ZNF804B: variants seen among roughly 807,000 people sequenced by gnomAD.
The protein encoded by ZNF804B is zinc finger 804B.
ZNF804B carries 80 observed loss-of-function variants against 101.4 expected under a neutral mutation model. The observed-to-expected ratio is 0.79, with a 90% confidence interval of 0.66 to 0.95. The LOEUF is 0.95. Among genes scored for constraint, ZNF804B ranks in the 40% least tolerant of loss-of-function variants. The pLI, the probability that ZNF804B is intolerant of heterozygous loss-of-function variation, is 0.00. For synonymous variants in ZNF804B, 622 were observed against 558.8 expected (o/e 1.11, Z -1.59); for missense variants, 1,673 against 1,561.9 (o/e 1.07, Z -1.20).
At chr7:89,018,817 C>T (rs1184744069) in intron 1 of ZNF804B, among the ~76,000 whole-genome samples, 1 of 151,972 alleles carries the variant, frequency 6.6e-6, no homozygotes, top group Non-Finnish European at 1.5e-5. Context: ...TAACCTCTTG[C>T]ACTCCTGTTC....
intron 1 of ZNF804B, among the ~76,000 whole-genome samples, chr7:89,103,637 TC>T (rs888302112): frequency 3.3e-5 from 5 of 151,746 alleles, no homozygotes; most frequent in Non-Finnish European, 5.9e-5. Context: ...TCTAAAGAGG[TC>T]TTTAGGGTTT....
intron 1 of ZNF804B, among the ~76,000 whole-genome samples, chr7:89,155,992 C>CT (rs1554371255): frequency 1.1e-4 from 15 of 131,368 alleles, no homozygotes; most frequent in Middle Eastern, 4.5e-3. Context: ...CCTTCCTTTC[C>CT]TTCTTTCTTT....
chr7:89,277,521 C>A (rs1790007083), intron 2 of ZNF804B, among the ~76,000 whole-genome samples: 1 of 122,576 alleles, frequency 8.2e-6, no homozygotes, highest in Non-Finnish European at 1.7e-5. Flanking sequence ...CACAACAGTC[C>A]CCAGAGTGTG....
chr7:88,962,030 C>A (rs1793392397), intron 1 of ZNF804B, among the ~76,000 whole-genome samples: 1 of 151,242 alleles, frequency 6.6e-6, no homozygotes, highest in Admixed American at 6.6e-5. Context: ...ATATACTCTG[C>A]TGCCTGGAAA....
Position 89,336,706 on chromosome 7 carries a change from C to T in ZNF804B, c.3724C>T (p.His1242Tyr), listed in dbSNP as rs1791099477. 6.2e-7 allele frequency: 1 copy of T among 1,614,104 alleles called. No homozygotes were observed. The highest frequency in any genetic ancestry group is 8.5e-7 in the Non-Finnish European group (1 of 1,179,998). ...IAHLHPLSQA[H>Y]FSPISFSTLT... ...TCATCTACATCCTCTTTCACAGGCA[C>T]ATTTCAGTCCTATTTCATTTTCGAC... The change falls in exon 4 of 4, where the codon CAT (histidine) becomes TAT (tyrosine). Residue 1242 changes from histidine to tyrosine, a missense_variant. Physicochemically the swap from His to Tyr is moderately conservative, Grantham distance 83. Coordinates refer to ENST00000333190, the MANE Select transcript of ZNF804B (RefSeq NM_181646.5).
rs140014834 is a variant in ZNF804B, at chr7:89,172,113, C to A, written c.109-46042C>A. 1.0e-2 allele frequency among the ~76,000 whole-genome samples: 1,518 copies of A among 152,074 alleles called. 30 individuals carry two copies. The highest frequency in any genetic ancestry group is 0.034 in the African/African-American group (1,397 of 41,488). ...CATGGCACTATATAATAAAATCAGA[C>A]AAAGGAAGGAAGCATAATAAGTTGT... On this transcript the variant is annotated intron_variant, in intron 1 of 3. Coordinates refer to ENST00000333190, the MANE Select transcript of ZNF804B (RefSeq NM_181646.5).
chr7:89,128,383 T>C (rs1219171839), intron 1 of ZNF804B, among the ~76,000 whole-genome samples: 1 of 152,006 alleles, frequency 6.6e-6, no homozygotes, highest in Non-Finnish European at 1.5e-5. Context: ...CATAGTATTG[T>C]ACACAATTAG....
At chr7:89,301,469 T>G (rs1289377410) in intron 2 of ZNF804B, among the ~76,000 whole-genome samples, 1 of 151,884 alleles carries the variant, frequency 6.6e-6, no homozygotes, top group East Asian at 1.9e-4. Flanking sequence ...TTCTGCTTAA[T>G]ATAGTTTTTA....
At chr7:89,016,528 A>C (rs1788562516) in intron 1 of ZNF804B, among the ~76,000 whole-genome samples, 2 of 150,512 alleles carry the variant, frequency 1.3e-5, no homozygotes, top group South Asian at 2.1e-4. Context: ...GGTGTAAGGA[A>C]GGGATCCAGT....
intron 1 of ZNF804B, among the ~76,000 whole-genome samples, chr7:89,057,096 A>T (rs1319466077): frequency 6.6e-6 from 1 of 152,036 alleles, no homozygotes; most frequent in Admixed American, 6.6e-5. Context: ...TCCAAAAAAC[A>T]TCTTAAGCGA....
At chr7:88,978,329 T>C (rs2116126916) in intron 1 of ZNF804B, among the ~76,000 whole-genome samples, 1 of 151,928 alleles carries the variant, frequency 6.6e-6, no homozygotes, top group Non-Finnish European at 1.5e-5. Flanking sequence ...GTGTTGGTCT[T>C]CGTCTATTAT....
chr7:88,984,704 A>G (rs1341063775), intron 1 of ZNF804B, among the ~76,000 whole-genome samples: 1 of 151,976 alleles, frequency 6.6e-6, no homozygotes, highest in Non-Finnish European at 1.5e-5. Context: ...GGCCAAATAC[A>G]TTTTCTCTAT....
intron 2 of ZNF804B, among the ~76,000 whole-genome samples, chr7:89,272,462 G>A (rs1397847400): frequency 6.6e-6 from 1 of 152,016 alleles, no homozygotes; most frequent in East Asian, 1.9e-4. Flanking sequence ...ATAAAACACA[G>A]ATAGAACAGG....
intron 2 of ZNF804B, among the ~76,000 whole-genome samples, chr7:89,296,783 T>A (rs1463698235): frequency 6.6e-6 from 1 of 152,076 alleles, no homozygotes; most frequent in Non-Finnish European, 1.5e-5. Flanking sequence ...CCCTAAACTG[T>A]AAAACAGAGA....
At chr7:89,208,873 G>A (rs1017740414) in intron 1 of ZNF804B, among the ~76,000 whole-genome samples, 2 of 152,026 alleles carry the variant, frequency 1.3e-5, no homozygotes, top group South Asian at 2.1e-4. Flanking sequence ...TTAGCCGGGC[G>A]AGCTGGCAGG....
intron 1 of ZNF804B, among the ~76,000 whole-genome samples, chr7:88,884,682 ATAACTT>A (rs2115915116): frequency 6.6e-6 from 1 of 152,038 alleles, no homozygotes; most frequent in African/African-American, 2.4e-5. Context: ...TTGATATGTA[ATAACTT>A]ACTTGCCCAA....
chr7:88,915,542 A>G (rs888453279), intron 1 of ZNF804B, among the ~76,000 whole-genome samples: 25 of 152,148 alleles, frequency 1.6e-4, no homozygotes, highest in African/African-American at 5.5e-4. Flanking sequence ...TATATTAGGT[A>G]TGTATTAATG....
At chr7:89,093,538 A>C (rs1294918050) in intron 1 of ZNF804B, among the ~76,000 whole-genome samples, 1 of 152,254 alleles carries the variant, frequency 6.6e-6, no homozygotes, top group African/African-American at 2.4e-5. Context: ...AGTTTCATGA[A>C]TTGACCACTA....
intron 1 of ZNF804B, among the ~76,000 whole-genome samples, chr7:89,103,687 T>A (rs2116342331): frequency 6.6e-6 from 1 of 152,092 alleles, no homozygotes; most frequent in East Asian, 1.9e-4. Context: ...ATAGAGAACT[T>A]TGACTTCCTC....
Sources: allele counts gnomAD v4.1 joint callset (sites outside exome capture counted in the v4.1 genomes callset), GRCh38; gene constraint gnomAD v4.1.1; transcripts MANE v1.5; gene names NCBI Gene and HGNC (gene_info 2026-07-23, HGNC 2026-07-21).